The following SUCLG2 variants were observed in gnomAD, a reference collection of about 807,000 sequenced individuals.
SUCLG2 encodes succinate-CoA ligase GDP-forming subunit beta, also known as succinate--CoA ligase [GDP-forming] subunit beta, mitochondrial.
SUCLG2 carries 42 observed loss-of-function variants against 47.9 expected under a neutral mutation model. The observed-to-expected ratio is 0.88, with a 90% confidence interval of 0.69 to 1.14. The LOEUF (loss-of-function observed/expected upper bound fraction) is 1.14. SUCLG2 is among the 50% of genes most tolerant of loss of function. SUCLG2 has a pLI of 0.00. For missense variants in SUCLG2, 571 were observed against 525.9 expected, an observed-to-expected ratio of 1.09 and a Z score of -0.84; for synonymous variants, 195 against 197.3, an observed-to-expected ratio of 0.99 and a Z score of 0.10.
In SUCLG2 at chr3:67,399,729, C is replaced by T. The variant is rs139917160; in HGVS notation, c.1183+1002G>A. The stretch of plus-strand genomic sequence containing the variant: ...TTGAACCATGCATGGATAAAACTCC[C>T]TTAATGTGTAACACAGACCAATGGG... On this transcript the variant is annotated intron_variant, in intron 10 of 10. Transcript: ENST00000307227. Among the ~76,000 whole-genome samples the T allele has an allele frequency of 3.3e-5, 5 of 152,224 alleles. No homozygotes were observed. In the East Asian group the frequency reaches 9.6e-4, roughly 29 times the overall value.
chr3:67,382,180 A>G (rs1445591861), intron 10 of SUCLG2, among the ~76,000 whole-genome samples: 2 of 152,240 alleles, frequency 1.3e-5, no homozygotes, highest in African/African-American at 4.8e-5. Flanking sequence ...ACATGAGTTA[A>G]GGGATTTACA....
At chr3:67,507,954 C>T (rs915143797) in intron 7 of SUCLG2, among the ~76,000 whole-genome samples, 3 of 151,900 alleles carry the variant, frequency 2.0e-5, no homozygotes, top group Non-Finnish European at 4.4e-5. Context: ...CTCCACTTTA[C>T]CCCTTACCAC....
chr3:67,546,030 A>G (rs748173746), intron 2 of SUCLG2, among the ~76,000 whole-genome samples: 10 of 152,230 alleles, frequency 6.6e-5, no homozygotes, highest in Non-Finnish European at 8.8e-5. Flanking sequence ...ACTGTTTTCA[A>G]AACGACATTT....
At chr3:67,606,875 T>C (rs1700428472) in intron 2 of SUCLG2, among the ~76,000 whole-genome samples, 1 of 152,174 alleles carries the variant, frequency 6.6e-6, no homozygotes, top group African/African-American at 2.4e-5. Context: ...TCGATAAATA[T>C]TTGTTCCAGA....
intron 2 of SUCLG2, among the ~76,000 whole-genome samples, chr3:67,569,644 A>G (rs1007059586): frequency 1.3e-5 from 2 of 152,214 alleles, no homozygotes; most frequent in African/African-American, 4.8e-5. Context: ...TAGGACTAGA[A>G]TGTTTATTGT....
chr3:67,497,012 C>T (rs1226604799), intron 8 of SUCLG2, among the ~76,000 whole-genome samples: 1 of 152,180 alleles, frequency 6.6e-6, no homozygotes, highest in Non-Finnish European at 1.5e-5. Flanking sequence ...CACATTCCTA[C>T]AGAGGCTATA....
At chr3:67,644,744 T>A (rs1257048388) in intron 1 of SUCLG2, among the ~76,000 whole-genome samples, 1 of 151,970 alleles carries the variant, frequency 6.6e-6, no homozygotes, top group Admixed American at 6.6e-5. Context: ...TTTAGTATCT[T>A]TAGAAGCTTT....
chr3:67,627,464 A>T (rs2107346335), intron 1 of SUCLG2, among the ~76,000 whole-genome samples: 2 of 152,344 alleles, frequency 1.3e-5, no homozygotes, highest in South Asian at 4.1e-4. Context: ...GTAAATCAAA[A>T]GAAAGATGAA....
At chr3:67,471,583 G>A (rs80265058) in intron 9 of SUCLG2, among the ~76,000 whole-genome samples, 1 of 149,848 alleles carries the variant, frequency 6.7e-6, no homozygotes, top group Non-Finnish European at 1.5e-5. Flanking sequence ...GCTAAAACTG[G>A]TCTGGTCTAG....
At chr3:67,392,773 T>A (rs546924754) in intron 10 of SUCLG2, among the ~76,000 whole-genome samples, 1 of 152,142 alleles carries the variant, frequency 6.6e-6, no homozygotes, top group African/African-American at 2.4e-5. Context: ...GCTGGCATGT[T>A]ATCATGGAAT....
intron 10 of SUCLG2, among the ~76,000 whole-genome samples, chr3:67,397,458 A>G (rs1702557722): frequency 6.6e-6 from 1 of 152,350 alleles, no homozygotes; most frequent in East Asian, 1.9e-4. Context: ...AATCCAACTT[A>G]CAAAGGGCGT....
intron 2 of SUCLG2, among the ~76,000 whole-genome samples, chr3:67,563,959 C>CAAA (rs756674869): frequency 1.0e-4 from 8 of 78,138 alleles, no homozygotes; most frequent in African/African-American, 2.3e-4. Flanking sequence ...GACTCTGTCT[C>CAAA]AAAAAAAAAA....
intron 9 of SUCLG2, among the ~76,000 whole-genome samples, chr3:67,449,280 G>A (rs1703997707): frequency 6.6e-6 from 1 of 152,180 alleles, no homozygotes; most frequent in Admixed American, 6.5e-5. Flanking sequence ...TTAAGCACTA[G>A]AAAGCCTATG....
rs555764984 is a variant in SUCLG2 at position 67,573,128 on chromosome 3, C to T, written c.226+36327G>A. Among the ~76,000 whole-genome samples, 183 of 152,136 alleles carry T rather than the reference C, an allele frequency of 1.2e-3. 3 individuals are homozygous for T. In the South Asian group the frequency reaches 0.017, roughly 14 times the overall value. On this transcript the variant is annotated intron_variant, in intron 2 of 10. Coordinates refer to ENST00000307227, the MANE Select transcript of SUCLG2 (RefSeq NM_003848.4). ...TTTAACAAAAGAAATGAAAGACATA[C>T]GCTTGAAAACCACAAAATATTGCTG...
intron 10 of SUCLG2, among the ~76,000 whole-genome samples, chr3:67,367,296 C>T (rs79445235): frequency 0.15 from 23,218 of 151,906 alleles, 1,924 homozygotes; most frequent in Middle Eastern, 0.23. Flanking sequence ...ATATTTATCC[C>T]CCCAAAAAGT....
chr3:67,417,921 A>G (rs921132188), intron 9 of SUCLG2, among the ~76,000 whole-genome samples: 1 of 152,156 alleles, frequency 6.6e-6, no homozygotes, highest in Non-Finnish European at 1.5e-5. Flanking sequence ...GTTATTCTTT[A>G]ATCTTTATAC....
intron 7 of SUCLG2, among the ~76,000 whole-genome samples, chr3:67,503,681 G>A (rs1203674627): frequency 6.6e-6 from 1 of 152,116 alleles, no homozygotes; most frequent in Non-Finnish European, 1.5e-5. Context: ...TATACAAAGT[G>A]GGTGAAAGAA....
intron 2 of SUCLG2, among the ~76,000 whole-genome samples, chr3:67,529,626 A>G (rs1167222346): frequency 6.6e-6 from 1 of 152,246 alleles, no homozygotes; most frequent in East Asian, 1.9e-4. Flanking sequence ...GTTTAAAGAC[A>G]AGACACAAAG....
At chr3:67,618,368 G>A (rs1487691207) in intron 1 of SUCLG2, among the ~76,000 whole-genome samples, 2 of 152,084 alleles carry the variant, frequency 1.3e-5, no homozygotes, top group South Asian at 2.1e-4. Flanking sequence ...GCAGTGAGCC[G>A]AGATCTCGCC....
Sources: gnomAD v4.1 joint callset for allele counts (sites outside exome capture counted in the v4.1 genomes callset) on GRCh38, gnomAD v4.1.1 for gene constraint, MANE v1.5 for transcripts, NCBI Gene and HGNC (gene_info 2026-07-23, HGNC 2026-07-21) for gene names.